ERC1: variants seen among roughly 807,000 people sequenced by gnomAD.
The protein encoded by ERC1 is ELKS/RAB6-interacting/CAST family member 1.
A neutral mutation model predicts 132.0 loss-of-function variants in ERC1; 56 were observed. That is an observed-to-expected ratio of 0.42 (90% confidence interval 0.34 to 0.53). ERC1 has a LOEUF of 0.53. ERC1 is among the 20% of genes least tolerant of loss of function. The pLI is 0.03. For missense variants in ERC1, 1,202 were observed against 1,349.9 expected (o/e 0.89, Z 1.72); for synonymous variants, 478 against 476.1 (o/e 1.00, Z -0.05).
intron 15 of ERC1, among the ~76,000 whole-genome samples, chr12:1,361,196 T>TA (rs980484160): frequency 4.5e-5 from 6 of 132,166 alleles, no homozygotes; most frequent in South Asian, 2.4e-4. Flanking sequence ...GTCTCTGGAC[T>TA]AAAAAAAATT....
intron 12 of ERC1, among the ~76,000 whole-genome samples, chr12:1,232,887 A>G (rs1209583803): frequency 1.3e-5 from 2 of 151,960 alleles, no homozygotes; most frequent in African/African-American, 4.8e-5. Flanking sequence ...AACCGAATAC[A>G]TGGAAAAATA....
intron 15 of ERC1, among the ~76,000 whole-genome samples, chr12:1,330,569 A>C (rs1318087611): frequency 6.6e-6 from 1 of 152,138 alleles, no homozygotes; most frequent in Non-Finnish European, 1.5e-5. Flanking sequence ...GACATGTAAA[A>C]TAAGGTTATC....
At chr12:1,351,038 C>T (rs945304339) in intron 15 of ERC1, among the ~76,000 whole-genome samples, 2 of 152,126 alleles carry the variant, frequency 1.3e-5, no homozygotes, top group African/African-American at 4.8e-5. Flanking sequence ...GATTCATGCC[C>T]CTGTGACCTG....
rs192835537 is a variant in ERC1, at chr12:1,470,469, C to T, written c.3214-19624C>T. 2.7e-3 allele frequency among the ~76,000 whole-genome samples: 387 copies of T among 145,584 alleles called. 1 individual carries two copies. Among genetic ancestry groups the T allele is most frequent in the African/African-American group, 9.3e-3 (365 of 39,406 alleles). On this transcript the variant is annotated intron_variant, in intron 18 of 18. Transcript: ENST00000360905. ...TTTTTTGTTTTTTTTTTTTCTTCAT[C>T]TTCTCCCTTTTGACACTTTTCATTT...
intron 18 of ERC1, chr12:1,481,027 C>T: frequency 1.7e-6 from 1 of 598,006 alleles, no homozygotes; most frequent in Non-Finnish European, 3.0e-6. Flanking sequence ...TACATATATA[C>T]CTGAGATAAA....
At chr12:1,488,206 C>G (rs1302639580) in intron 18 of ERC1, among the ~76,000 whole-genome samples, 1 of 151,744 alleles carries the variant, frequency 6.6e-6, no homozygotes, top group Non-Finnish European at 1.5e-5. Flanking sequence ...GACTCAAACT[C>G]CTGGGCTCAA....
At chr12:1,084,617 T>G (rs1565935489) in intron 3 of ERC1, among the ~76,000 whole-genome samples, 1 of 152,130 alleles carries the variant, frequency 6.6e-6, no homozygotes, top group Non-Finnish European at 1.5e-5. Context: ...AACTTATAAC[T>G]CAAAGTATTG....
chr12:1,485,125 G>T (rs1422283733), intron 18 of ERC1, among the ~76,000 whole-genome samples: 4 of 149,742 alleles, frequency 2.7e-5, no homozygotes, highest in Non-Finnish European at 5.9e-5. Flanking sequence ...CTAGGCTCAA[G>T]TGATCTGCCT....
chr12:1,402,381 T>G (rs1288940483), intron 16 of ERC1, among the ~76,000 whole-genome samples: 3 of 151,900 alleles, frequency 2.0e-5, no homozygotes, highest in Non-Finnish European at 4.4e-5. Context: ...AATACAAAAG[T>G]TAGCTGGGCA....
intron 8 of ERC1, among the ~76,000 whole-genome samples, chr12:1,170,617 T>A (rs959685001): frequency 5.3e-5 from 8 of 152,248 alleles, no homozygotes; most frequent in Admixed American, 1.3e-4. Context: ...TTATATATGC[T>A]GACTAGATAG....
At chr12:1,299,581 A>T (rs1202824455) in intron 15 of ERC1, among the ~76,000 whole-genome samples, 1 of 152,114 alleles carries the variant, frequency 6.6e-6, no homozygotes, top group African/African-American at 2.4e-5. Context: ...TTTCTACACT[A>T]AGGTACCAGA....
At chr12:1,440,860 G>A (rs1360513147) in intron 17 of ERC1, among the ~76,000 whole-genome samples, 4 of 151,642 alleles carry the variant, frequency 2.6e-5, no homozygotes. Context: ...TGGCCAGACT[G>A]CTCTCGAACT....
At chr12:1,249,676 G>C (rs2154314339) in intron 13 of ERC1, among the ~76,000 whole-genome samples, 1 of 152,256 alleles carries the variant, frequency 6.6e-6, no homozygotes, top group African/African-American at 2.4e-5. Flanking sequence ...ATGCATCTTA[G>C]CCTGGTCTCT....
intron 15 of ERC1, among the ~76,000 whole-genome samples, chr12:1,348,706 A>AG (rs1222456523): frequency 6.6e-6 from 1 of 151,836 alleles, no homozygotes; most frequent in Admixed American, 6.6e-5. Flanking sequence ...AAAAAAAAAA[A>AG]GTATAATGTC....
intron 18 of ERC1, among the ~76,000 whole-genome samples, chr12:1,474,043 T>C (rs912315699): frequency 6.6e-6 from 1 of 152,192 alleles, no homozygotes; most frequent in Admixed American, 6.5e-5. Context: ...AATTCCAAAC[T>C]AGGAAGTTAT....
chr12:1,107,082 C>T (rs1369095791), intron 4 of ERC1, among the ~76,000 whole-genome samples: 1 of 152,206 alleles, frequency 6.6e-6, no homozygotes, highest in Non-Finnish European at 1.5e-5. Context: ...TTTGCCCTCT[C>T]CTCTTTCGCC....
At chr12:1,418,047 C>T (rs1253288925) in intron 17 of ERC1, among the ~76,000 whole-genome samples, 1 of 152,176 alleles carries the variant, frequency 6.6e-6, no homozygotes, top group Non-Finnish European at 1.5e-5. Context: ...TCCAAGTTCA[C>T]ATACCTGGTA....
At chr12:1,199,023 T>C (rs529066773) in intron 12 of ERC1, among the ~76,000 whole-genome samples, 1 of 105,278 alleles carries the variant, frequency 9.5e-6, no homozygotes, top group South Asian at 3.0e-4. Context: ...ACACTGGGGA[T>C]CACAGTTCAA....
chr12:1,404,491 C>CA (rs1428589451), intron 16 of ERC1, among the ~76,000 whole-genome samples: 1 of 151,844 alleles, frequency 6.6e-6, no homozygotes, highest in Non-Finnish European at 1.5e-5. Context: ...GCTGGGAGAG[C>CA]AAAAACAGAA....
Sources: allele counts gnomAD v4.1 joint callset (sites outside exome capture counted in the v4.1 genomes callset), GRCh38; gene constraint gnomAD v4.1.1; transcripts MANE v1.5; gene names NCBI Gene and HGNC (gene_info 2026-07-23, HGNC 2026-07-21).